Variants in INTU observed in about 807,000 individuals in gnomAD.
The protein encoded by INTU is inturned planar cell polarity protein.
A neutral mutation model predicts 100.5 loss-of-function variants in INTU; 68 were observed. The observed-to-expected ratio is 0.68, with a 90% CI of 0.56 to 0.83. The LOEUF is 0.83. INTU is among the 40% of genes least tolerant of loss of function. The pLI, the probability that INTU is intolerant of heterozygous loss-of-function variation, is 0.00. For synonymous variants in INTU, 357 were observed against 395.7 expected (o/e 0.90, Z 1.16); for missense variants, 1,071 against 1,114.7 (o/e 0.96, Z 0.56).
At position 127,674,214 on chromosome 4, in the gene INTU, G is replaced by A. The variant is rs1729069071; in HGVS notation, c.1181+1G>A. 1.2e-6 allele frequency: 2 copies of A among 1,601,356 alleles called. No homozygotes were observed. The highest frequency in any genetic ancestry group is 2.2e-5 in the East Asian group (1 of 44,744). ...TGCTAATTGGCCTGCCTGCTGAAGA[G>A]TAAGTTGAGGTTTTGCTTACCTTAA... On this transcript the variant is annotated splice_donor_variant, in intron 6 of 15. Coordinates refer to ENST00000335251, the MANE Select transcript of INTU (RefSeq NM_015693.4). LOFTEE classifies it high-confidence loss of function.
chr4:127,672,474 T>G (rs1408492428), intron 5 of INTU, among the ~76,000 whole-genome samples: 2 of 151,614 alleles, frequency 1.3e-5, no homozygotes, highest in Non-Finnish European at 2.9e-5. Context: ...TTGCTTTTTT[T>G]TTTTTTTTTG....
At chr4:127,703,106 C>T (rs1350711411) in intron 9 of INTU, among the ~76,000 whole-genome samples, 2 of 152,112 alleles carry the variant, frequency 1.3e-5, no homozygotes, top group Non-Finnish European at 2.9e-5. Context: ...ATTTTTGTGT[C>T]TGGCTTTAAC....
chr4:127,657,877 T>C (rs1323151883), intron 3 of INTU, among the ~76,000 whole-genome samples: 1 of 152,092 alleles, frequency 6.6e-6, no homozygotes, highest in Non-Finnish European at 1.5e-5. Flanking sequence ...AAGTGCACAA[T>C]AAATGTAATG....
intron 10 of INTU, among the ~76,000 whole-genome samples, chr4:127,704,933 C>CA (rs1017156569): frequency 1.1e-4 from 17 of 150,332 alleles, no homozygotes; most frequent in East Asian, 5.8e-4. Flanking sequence ...ACTAAAAATA[C>CA]AAAAAAAAAT....
rs1382432086 is a variant in INTU at position 127,724,879 on chromosome 4, C to T, written c.*8443C>T. 2 of 152,152 alleles carry T rather than the reference C, an allele frequency of 1.3e-5. No homozygotes were observed. The highest frequency in any genetic ancestry group is 2.9e-5 in the Non-Finnish European group (2 of 68,038). The allele number at this position is 152,152 out of a possible 1,614,324, so 9.4% of individuals were successfully genotyped here. A position where few individuals can be genotyped will look rare whatever the true frequency, so the allele number is the denominator to read the frequency against. On this transcript the variant is annotated 3_prime_UTR_variant, in exon 16 of 16. Transcript: ENST00000335251. ...ACTGTGTCACAGTTTGAGAGATTTT[C>T]ACTTAAGCATTTAAGTTGCAAACCA...
chr4:127,671,644 CA>C (rs1195812641), intron 5 of INTU, among the ~76,000 whole-genome samples: 1 of 151,874 alleles, frequency 6.6e-6, no homozygotes, highest in Non-Finnish European at 1.5e-5. Flanking sequence ...ATCATTATAT[CA>C]AAAAGGTACC....
chr4:127,673,992 A>G (rs112194826), intron 5 of INTU, 132 bp from the exon 6 acceptor site: 15 of 473,122 alleles, frequency 3.2e-5, no homozygotes, highest in African/African-American at 2.8e-4. Flanking sequence ...ATGTGACAGG[A>G]ATATGAAAAG....
chr4:127,699,064 C>T (rs958706625), intron 8 of INTU, among the ~76,000 whole-genome samples: 2 of 151,948 alleles, frequency 1.3e-5, no homozygotes, highest in African/African-American at 4.8e-5. Context: ...CAGAGAGTGC[C>T]TTGGCCTTTA....
At chr4:127,678,157 A>C (rs920018477) in intron 6 of INTU, among the ~76,000 whole-genome samples, 3 of 152,220 alleles carry the variant, frequency 2.0e-5, no homozygotes, top group Non-Finnish European at 4.4e-5. Context: ...GGAGAATGGA[A>C]CCAAGTTGGA....
In INTU at chr4:127,654,005, T is replaced by G. The variant is rs1161761783; in HGVS notation, c.683-2631T>G. Among the ~76,000 whole-genome samples, 9 of 151,246 alleles carry G rather than the reference T, an allele frequency of 6.0e-5. No individual in the cohort carries two copies. In the East Asian group the frequency reaches 1.7e-3, roughly 29 times the overall value. ...CCTTCTTTGTCTCTTTTGATCTTTGTTGGTTTAAAGTCTGTTTTATCAGAG... is the reference window on the plus strand; with the variant it reads ...CCTTCTTTGTCTCTTTTGATCTTTGGTGGTTTAAAGTCTGTTTTATCAGAG... On this transcript the variant is annotated intron_variant, in intron 2 of 15. Transcript: ENST00000335251.
chr4:127,655,535 G>C (rs548181897), intron 2 of INTU, among the ~76,000 whole-genome samples: 1 of 151,014 alleles, frequency 6.6e-6, no homozygotes, highest in African/African-American at 2.5e-5. Flanking sequence ...TAGGCTGCTC[G>C]GGGGTCAGGG....
chr4:127,687,560 A>G, intron 7 of INTU, 118 bp from the exon 8 acceptor site: 1 of 728,698 alleles, frequency 1.4e-6, no homozygotes, highest in Non-Finnish European at 2.3e-6. Flanking sequence ...TATTGAAGGA[A>G]GAGAGGAGTG....
intron 6 of INTU, among the ~76,000 whole-genome samples, chr4:127,678,475 C>T (rs1376225376): frequency 6.6e-6 from 1 of 152,016 alleles, no homozygotes; most frequent in African/African-American, 2.4e-5. Flanking sequence ...GAATTTTCAA[C>T]CCAGAATTTC....
chr4:127,644,179 C>A, intron 2 of INTU, 123 bp downstream of exon 2: 1 of 1,015,400 alleles, frequency 9.8e-7, no homozygotes, highest in Non-Finnish European at 1.4e-6. Context: ...TGATTAATGA[C>A]ATTTGGTACA....
Position 127,720,491 on chromosome 4 carries a change from C to G in INTU, c.*4055C>G, listed in dbSNP as rs1241280502. On this transcript the variant is annotated 3_prime_UTR_variant, in exon 16 of 16. Coordinates refer to ENST00000335251, the MANE Select transcript of INTU (RefSeq NM_015693.4). ...GGTGGAAAGATGTCTAGATATTTATCAGGTCCCACTTGATCCAGAGCTGAG... is the reference window on the plus strand; with the variant it reads ...GGTGGAAAGATGTCTAGATATTTATGAGGTCCCACTTGATCCAGAGCTGAG... 1 of 152,108 alleles carries G rather than the reference C, an allele frequency of 6.6e-6. No individual in the cohort carries two copies. The highest frequency in any genetic ancestry group is 2.4e-5 in the African/African-American group (1 of 41,414). 9.4% of individuals were successfully genotyped at this position (152,108 alleles called of 1,614,324 possible).
At chr4:127,662,448 C>T (rs1578561494) in intron 3 of INTU, among the ~76,000 whole-genome samples, 2 of 152,012 alleles carry the variant, frequency 1.3e-5, no homozygotes, top group South Asian at 2.1e-4. Context: ...TTTTTGTGTA[C>T]GGTGAGAGAC....
At chr4:127,649,131 G>A (rs1201839686) in intron 2 of INTU, among the ~76,000 whole-genome samples, 1 of 152,140 alleles carries the variant, frequency 6.6e-6, no homozygotes, top group Non-Finnish European at 1.5e-5. Context: ...ATTTTCATCT[G>A]TTTGCCAACC....
chr4:127,636,067 A>G (rs188959192), intron 1 of INTU, among the ~76,000 whole-genome samples: 2 of 152,140 alleles, frequency 1.3e-5, no homozygotes, highest in Non-Finnish European at 2.9e-5. Context: ...GGAGTCAGAA[A>G]CCAGCCTCGG....
Position 127,643,811 on chromosome 4 carries a change from C to A in INTU, c.437C>A (p.Ser146Tyr), listed in dbSNP as rs749538860. Residue 146 changes from serine (S) to tyrosine (Y), a missense_variant, in exon 2 of 16, where the codon TCC (serine) becomes TAC (tyrosine). Coordinates refer to ENST00000335251, the MANE Select transcript of INTU (RefSeq NM_015693.4). ...CCAGTATCCATTCTAAAGCATCAGT[C>A]CAATCAGAAGACAGGAGTCATTGTC... ...NGPVSILKHQ[S>Y]NQKTGVIVQQ... 1 of 1,614,000 alleles carries A rather than the reference C, an allele frequency of 6.2e-7. No individual in the cohort carries two copies. The highest frequency in any genetic ancestry group is 8.5e-7 in the Non-Finnish European group (1 of 1,180,008).
Sources: allele counts gnomAD v4.1 joint callset (sites outside exome capture counted in the v4.1 genomes callset), GRCh38; gene constraint gnomAD v4.1.1; transcripts MANE v1.5; gene names NCBI Gene and HGNC (gene_info 2026-07-23, HGNC 2026-07-21).